The following FIGN variants were observed in gnomAD, a reference collection of about 807,000 sequenced individuals.
FIGN encodes the protein fidgetin.
Under a neutral mutation model 51.3 loss-of-function variants are expected in FIGN, and 11 were observed. The observed-to-expected ratio is 0.21, with a 90% CI of 0.13 to 0.35. The LOEUF (loss-of-function observed/expected upper bound fraction) is 0.35, where lower values mean the gene tolerates loss of function less well. Ranked by LOEUF, FIGN falls within the 10% of genes least tolerant of loss-of-function variation. FIGN has a pLI of 1.00. For missense variants in FIGN, 857 were observed against 943.6 expected (o/e 0.91, Z 1.20); for synonymous variants, 407 against 363.2 (o/e 1.12, Z -1.37).
rs1259367245 is a variant in FIGN at position 163,606,801 on chromosome 2, G to C, written c.*2751C>G. ...CCAATTTCCTAAGAGATCAAATCTT[G>C]GATTTTGTGAGGCTAAATGAAAATC... On this transcript the variant is annotated 3_prime_UTR_variant, in exon 3 of 3. Transcript: ENST00000333129. The C allele has an allele frequency of 6.6e-6, 1 of 152,088 alleles. No homozygotes were observed. The highest frequency in any genetic ancestry group is 1.5e-5 in the Non-Finnish European group (1 of 68,010). 9.4% of individuals were successfully genotyped at this position (152,088 alleles called of 1,614,324 possible). A position where few individuals can be genotyped will look rare whatever the true frequency, so the allele number is the denominator to read the frequency against.
At chr2:163,623,491 T>C (rs1036356171) in intron 2 of FIGN, among the ~76,000 whole-genome samples, 1 of 152,162 alleles carries the variant, frequency 6.6e-6, no homozygotes, top group South Asian at 2.1e-4. Context: ...AAATAATTAA[T>C]GCACCCCTAT....
intron 2 of FIGN, chr2:163,612,465 C>G (rs1682766358): frequency 1.0e-5 from 10 of 985,302 alleles, no homozygotes; most frequent in Non-Finnish European, 1.2e-5. Context: ...AAATCTGCTT[C>G]GTGGAGTGCA....
At position 163,608,105 on chromosome 2, in the gene FIGN, A is replaced by G. The variant is rs1290948483; in HGVS notation, c.*1447T>C. The G allele has an allele frequency of 6.6e-6, 1 of 152,596 alleles. No homozygotes were observed. Among genetic ancestry groups the G allele is most frequent in the Non-Finnish European group, 1.5e-5 (1 of 68,022 alleles). 9.5% of individuals were successfully genotyped at this position (152,596 alleles called of 1,614,324 possible). On this transcript the variant is annotated 3_prime_UTR_variant, in exon 3 of 3. Transcript: ENST00000333129. ...ATTGCAGTGTGTGTGTCCACTTCCA[A>G]TTTTCTACTTTACTTTCCAAGAGAA...
intron 2 of FIGN, among the ~76,000 whole-genome samples, chr2:163,634,711 T>C (rs1683199309): frequency 6.6e-6 from 1 of 152,244 alleles, no homozygotes; most frequent in Non-Finnish European, 1.5e-5. Context: ...ATTCATTTAT[T>C]AGACTGATGA....
At chr2:163,672,626 A>T (rs1406883695) in intron 2 of FIGN, among the ~76,000 whole-genome samples, 3 of 152,200 alleles carry the variant, frequency 2.0e-5, no homozygotes, top group Non-Finnish European at 4.4e-5. Context: ...CTATGTGAAA[A>T]ACAAAGTGCC....
intron 2 of FIGN, among the ~76,000 whole-genome samples, chr2:163,655,804 C>G (rs5003968): frequency 1.7e-3 from 243 of 145,844 alleles, no homozygotes; most frequent in East Asian, 0.013. Context: ...CACACACACA[C>G]AGAGAGAGAG....
At chr2:163,685,545 T>C (rs954838028) in intron 2 of FIGN, among the ~76,000 whole-genome samples, 2 of 152,208 alleles carry the variant, frequency 1.3e-5, no homozygotes, top group Non-Finnish European at 2.9e-5. Context: ...GAGGAACTAC[T>C]ACCTCCCTTG....
intron 2 of FIGN, among the ~76,000 whole-genome samples, chr2:163,679,471 G>A (rs1401500220): frequency 6.6e-6 from 1 of 150,818 alleles, no homozygotes; most frequent in Non-Finnish European, 1.5e-5. Flanking sequence ...ACTGCAGCCT[G>A]GGCGACACTG....
At chr2:163,722,369 A>G (rs1270592252) in intron 2 of FIGN, among the ~76,000 whole-genome samples, 1 of 152,188 alleles carries the variant, frequency 6.6e-6, no homozygotes, top group Non-Finnish European at 1.5e-5. Context: ...TTTATCAGAG[A>G]AAGGACAAAA....
At chr2:163,615,258 C>G (rs1682853089) in intron 2 of FIGN, among the ~76,000 whole-genome samples, 1 of 152,144 alleles carries the variant, frequency 6.6e-6, no homozygotes, top group African/African-American at 2.4e-5. Context: ...TTGTTCATAT[C>G]CCCTGAAACG....
rs1426082785 is a variant in FIGN at position 163,607,808 on chromosome 2, A to G, written c.*1744T>C. 6.6e-6 allele frequency: 1 copy of G among 152,664 alleles called. No homozygotes were observed. The highest frequency in any genetic ancestry group is 1.5e-5 in the Non-Finnish European group (1 of 68,042). 9.5% of individuals were successfully genotyped at this position (152,664 alleles called of 1,614,324 possible). On this transcript the variant is annotated 3_prime_UTR_variant, in exon 3 of 3. Coordinates refer to ENST00000333129, the MANE Select transcript of FIGN (RefSeq NM_018086.4). The stretch of plus-strand genomic sequence containing the variant: ...GCTTATGCATGGGCAGTGGCTGTGG[A>G]AAGCTACAGCCTGCTCTGTGACAGT...
intron 2 of FIGN, among the ~76,000 whole-genome samples, chr2:163,686,453 G>A (rs1684150429): frequency 6.6e-6 from 1 of 152,090 alleles, no homozygotes; most frequent in African/African-American, 2.4e-5. Flanking sequence ...TCTAAAAGTG[G>A]TACTTTGATG....
At chr2:163,632,063 A>G (rs948226614) in intron 2 of FIGN, among the ~76,000 whole-genome samples, 2 of 152,128 alleles carry the variant, frequency 1.3e-5, no homozygotes, top group African/African-American at 2.4e-5. Context: ...CAGGAGAATC[A>G]CTTCAACTCA....
chr2:163,693,019 C>CAT (rs1185734898), intron 2 of FIGN, among the ~76,000 whole-genome samples: 2 of 152,218 alleles, frequency 1.3e-5, no homozygotes, highest in Non-Finnish European at 2.9e-5. Context: ...GCAACTTCAG[C>CAT]ATCTTCCCAT....
chr2:163,667,930 T>C (rs1281228665), intron 2 of FIGN, among the ~76,000 whole-genome samples: 1 of 149,864 alleles, frequency 6.7e-6, no homozygotes, highest in Non-Finnish European at 1.5e-5. Flanking sequence ...AATAAGTAAA[T>C]AAACAAGCAA....
chr2:163,616,978 G>T, intron 2 of FIGN: 1 of 450,202 alleles, frequency 2.2e-6, no homozygotes, highest in Non-Finnish European at 2.9e-6. Context: ...CTGGCCCTGT[G>T]CAATATCTAC....
chr2:163,679,774 A>T (rs779897785), intron 2 of FIGN, among the ~76,000 whole-genome samples: 1 of 152,224 alleles, frequency 6.6e-6, no homozygotes, highest in Non-Finnish European at 1.5e-5. Context: ...GTCTTTAAAA[A>T]TATGCTAATT....
rs1691089428 is a variant in FIGN at position 163,605,497 on chromosome 2, T to C, written c.*4055A>G. The C allele has an allele frequency of 6.6e-6, 1 of 152,090 alleles. No homozygotes were observed. The highest frequency in any genetic ancestry group is 1.5e-5 in the Non-Finnish European group (1 of 68,004). 9.4% of individuals were successfully genotyped at this position (152,090 alleles called of 1,614,324 possible). On this transcript the variant is annotated 3_prime_UTR_variant, in exon 3 of 3. Transcript: ENST00000333129. Reference sequence around the variant, plus strand: ...CACTTCAAATTGTAACATGATCATGTGTATCTCTGCACATATGAAGAAAGG... The same window carrying C: ...CACTTCAAATTGTAACATGATCATGCGTATCTCTGCACATATGAAGAAAGG...
At chr2:163,732,582 C>T (rs1412066808) in intron 2 of FIGN, among the ~76,000 whole-genome samples, 1 of 152,192 alleles carries the variant, frequency 6.6e-6, no homozygotes, top group Non-Finnish European at 1.5e-5. Flanking sequence ...AATGTATATT[C>T]TAACAATCAT....
Sources: allele counts gnomAD v4.1 joint callset (sites outside exome capture counted in the v4.1 genomes callset), GRCh38; gene constraint gnomAD v4.1.1; transcripts MANE v1.5; gene names NCBI Gene and HGNC (gene_info 2026-07-23, HGNC 2026-07-21).